Variants in R3HDM2 observed in about 807,000 individuals in gnomAD.
R3HDM2 encodes R3H domain containing 2.
In R3HDM2, 38 loss-of-function variants were observed where a neutral mutation model predicts 124.5. That is an observed-to-expected ratio of 0.31 (90% CI 0.24 to 0.40). R3HDM2 has a LOEUF of 0.40. Among genes scored for constraint, R3HDM2 ranks in the 10% least tolerant of loss-of-function variants. The pLI, the probability that R3HDM2 is intolerant of heterozygous loss-of-function variation, is 1.00. For synonymous variants in R3HDM2, 391 were observed against 448.0 expected, an observed-to-expected ratio of 0.87 and a Z score of 1.61; for missense variants, 869 against 1,236.9, an observed-to-expected ratio of 0.70 and a Z score of 4.46.
intron 2 of R3HDM2, among the ~76,000 whole-genome samples, chr12:57,354,438 G>A (rs1382546485): frequency 6.6e-6 from 1 of 151,574 alleles, no homozygotes; most frequent in Non-Finnish European, 1.5e-5. Context: ...AACCACAGAT[G>A]TGGGCCACCA....
At chr12:57,324,871 T>C (rs1221515213) in intron 2 of R3HDM2, among the ~76,000 whole-genome samples, 1 of 152,192 alleles carries the variant, frequency 6.6e-6, no homozygotes, top group Non-Finnish European at 1.5e-5. Context: ...GACAGGGCCT[T>C]TAAAGAGGCG....
chr12:57,408,077 T>C (rs1021869770), intron 1 of R3HDM2, among the ~76,000 whole-genome samples: 2 of 152,062 alleles, frequency 1.3e-5, no homozygotes, highest in Non-Finnish European at 2.9e-5. Context: ...TTACAGGCGT[T>C]TGCCACCACG....
At chr12:57,269,169 A>G (rs568336780) in intron 16 of R3HDM2, 87 bp from the exon 17 acceptor site, 136 of 1,564,918 alleles carry the variant, frequency 8.7e-5, no homozygotes, top group Middle Eastern at 3.5e-4. Flanking sequence ...ATTCTATTTT[A>G]TCTTTCTTTT....
At chr12:57,407,019 C>T (rs141009097) in intron 1 of R3HDM2, among the ~76,000 whole-genome samples, 1 of 152,174 alleles carries the variant, frequency 6.6e-6, no homozygotes, top group Admixed American at 6.5e-5. Context: ...GAGGCCAAGG[C>T]GGGCGGATTG....
At chr12:57,314,078 C>G (rs2054523284) in intron 2 of R3HDM2, among the ~76,000 whole-genome samples, 1 of 148,414 alleles carries the variant, frequency 6.7e-6, no homozygotes, top group South Asian at 2.1e-4. Flanking sequence ...ATCCCAGCTA[C>G]TCGGGAGGCT....
intron 19 of R3HDM2, among the ~76,000 whole-genome samples, chr12:57,264,906 G>A (rs1343881733): frequency 6.6e-6 from 1 of 152,096 alleles, no homozygotes; most frequent in Non-Finnish European, 1.5e-5. Flanking sequence ...CAAAGTGCTG[G>A]GATTACAGGT....
At chr12:57,341,423 C>A in intron 2 of R3HDM2, 2 of 984,518 alleles carry the variant, frequency 2.0e-6, no homozygotes, top group Non-Finnish European at 2.4e-6. Flanking sequence ...TCTCTCCGTC[C>A]CCTCCCTCTC....
intron 2 of R3HDM2, among the ~76,000 whole-genome samples, chr12:57,331,402 AT>A (rs1418731613): frequency 6.6e-6 from 1 of 151,622 alleles, no homozygotes; most frequent in Non-Finnish European, 1.5e-5. Flanking sequence ...CCTTGACTTT[AT>A]TTTTCTCGTC....
chr12:57,305,528 C>A, intron 3 of R3HDM2: 1 of 396,298 alleles, frequency 2.5e-6, no homozygotes, highest in Non-Finnish European at 4.5e-6. Context: ...ATGAATGAAT[C>A]TGCTTATTTC....
intron 19 of R3HDM2, among the ~76,000 whole-genome samples, chr12:57,259,799 A>C (rs7966846): frequency 0.26 from 39,625 of 152,138 alleles, 5,581 homozygotes; most frequent in South Asian, 0.44. Flanking sequence ...CAGTCTATTA[A>C]AGAGTCAGAC....
At chr12:57,257,939 G>T in intron 21 of R3HDM2, 51 bp downstream of exon 21, 2 of 1,402,666 alleles carry the variant, frequency 1.4e-6, no homozygotes, top group Middle Eastern at 2.4e-4. Context: ...AATTGGGAAT[G>T]GGATGTGAAA....
intron 19 of R3HDM2, among the ~76,000 whole-genome samples, chr12:57,262,345 T>C (rs1031738562): frequency 6.6e-6 from 1 of 152,114 alleles, no homozygotes; most frequent in African/African-American, 2.4e-5. Context: ...TCACTGTGAG[T>C]TGGGAGTCTC....
chr12:57,425,526 G>A (rs1025212557), intron 1 of R3HDM2, among the ~76,000 whole-genome samples: 8 of 152,126 alleles, frequency 5.3e-5, no homozygotes, highest in South Asian at 2.1e-4. Context: ...CAGGCCGGGC[G>A]TAGCAGCTCA....
chr12:57,327,917 A>G (rs951788804), intron 2 of R3HDM2, among the ~76,000 whole-genome samples: 2 of 152,226 alleles, frequency 1.3e-5, no homozygotes, highest in African/African-American at 4.8e-5. Context: ...TTAGAATATT[A>G]CATAAACTAA....
chr12:57,423,190 G>A (rs981073804), intron 1 of R3HDM2, among the ~76,000 whole-genome samples: 2 of 152,236 alleles, frequency 1.3e-5, no homozygotes. Context: ...GGGAGGCCAA[G>A]GCAGGTGGAT....
intron 2 of R3HDM2, among the ~76,000 whole-genome samples, chr12:57,320,053 G>A (rs1419156847): frequency 1.3e-5 from 2 of 151,972 alleles, no homozygotes; most frequent in Non-Finnish European, 2.9e-5. Context: ...GAGGTCAGGA[G>A]TTTGAGATGA....
rs758493503 is a variant in R3HDM2 at position 57,256,074 on chromosome 12, C to T, written c.2548G>A (p.Gly850Arg). 1 of 1,613,446 alleles carries T rather than the reference C, an allele frequency of 6.2e-7. No homozygotes were observed. The change falls in exon 23 of 24, where the codon GGA becomes AGA. Residue 850 changes from glycine (G) to arginine (R), a missense_variant and splice_region_variant. By Grantham distance (125) the Gly-to-Arg change is moderately radical (BLOSUM62 -2). Transcript: ENST00000402412. Reference sequence around the variant, plus strand: ...TTTCCATGCTTCAGTCCACTCTGTCCCTTCAACATTTGAAAGACGACTCTC... The same window carrying T: ...TTTCCATGCTTCAGTCCACTCTGTCTCTTCAACATTTGAAAGACGACTCTC... ...HGQSTYTVHQ[G>R]QSGLKHGNRG... is the part of the protein sequence containing the mutation.
intron 1 of R3HDM2, among the ~76,000 whole-genome samples, chr12:57,407,164 C>T (rs192622097): frequency 1.7e-4 from 26 of 151,614 alleles, no homozygotes; most frequent in African/African-American, 5.6e-4. Context: ...GCAGGAAAAT[C>T]TCTTGAACCG....
At chr12:57,307,194 A>T (rs1377733020) in intron 3 of R3HDM2, among the ~76,000 whole-genome samples, 1 of 152,184 alleles carries the variant, frequency 6.6e-6, no homozygotes, top group East Asian at 1.9e-4. Context: ...CCTTTTCCCC[A>T]AACTTTTCAG....
Sources: allele counts gnomAD v4.1 joint callset (sites outside exome capture counted in the v4.1 genomes callset), GRCh38; gene constraint gnomAD v4.1.1; transcripts MANE v1.5; gene names NCBI Gene and HGNC (gene_info 2026-07-23, HGNC 2026-07-21).